Variants in PIK3CD observed in about 807,000 individuals in gnomAD.
The protein encoded by PIK3CD is phosphatidylinositol 4,5-bisphosphate 3-kinase catalytic subunit delta isoform.
A neutral mutation model predicts 122.9 loss-of-function variants in PIK3CD; 20 were observed. The observed-to-expected ratio is 0.16, with a 90% CI of 0.11 to 0.24. The LOEUF (loss-of-function observed/expected upper bound fraction) is 0.24, where lower values mean the gene tolerates loss of function less well. Ranked by LOEUF, PIK3CD falls within the 10% of genes least tolerant of loss-of-function variation. PIK3CD has a pLI of 1.00. For missense variants in PIK3CD, 787 were observed against 1,406.3 expected (o/e 0.56, Z 7.04); for synonymous variants, 596 against 593.4 (o/e 1.00, Z -0.06).
rs79709121 is a variant in PIK3CD, at chr1:9,698,607, A to G, written c.-33+7036A>G. Among the ~76,000 whole-genome samples the G allele has an allele frequency of 1.5e-3, 222 of 152,350 alleles. 1 individual carries two copies. Among genetic ancestry groups the G allele is most frequent in the African/African-American group, 5.2e-3 (215 of 41,570 alleles). On this transcript the variant is annotated intron_variant, in intron 2 of 23. Coordinates refer to ENST00000377346, the MANE Select transcript of PIK3CD (RefSeq NM_005026.5). ...TAATGCATCATTTAGCCATTTCCTT[A>G]TCACTTTCACAAACAATACCACATT...
intron 1 of PIK3CD, among the ~76,000 whole-genome samples, chr1:9,683,124 CAAA>C (rs756702134): frequency 5.7e-5 from 4 of 70,474 alleles, no homozygotes; most frequent in Non-Finnish European, 1.2e-4. Context: ...GACATTGTCT[CAAA>C]AAAAAAAAAA....
intron 2 of PIK3CD, chr1:9,691,947 T>G (rs141774626): frequency 6.0e-6 from 1 of 165,412 alleles, no homozygotes; most frequent in Non-Finnish European, 1.3e-5. Context: ...CTGGAGGAAA[T>G]GGATTGAATT....
chr1:9,687,776 G>C (rs192331971), intron 1 of PIK3CD, among the ~76,000 whole-genome samples: 48 of 152,350 alleles, frequency 3.2e-4, no homozygotes, highest in Non-Finnish European at 6.5e-4. Flanking sequence ...GCCTGTGTCT[G>C]TGTGTGCGCA....
chr1:9,699,216 G>A (rs540906660), intron 2 of PIK3CD, among the ~76,000 whole-genome samples: 5 of 152,084 alleles, frequency 3.3e-5, no homozygotes, highest in African/African-American at 7.2e-5. Flanking sequence ...TCTGCGAACC[G>A]TGCCAAAAAA....
At chr1:9,653,536 G>A (rs1024670106) in intron 1 of PIK3CD, 9 of 306,430 alleles carry the variant, frequency 2.9e-5, no homozygotes, top group Non-Finnish European at 5.7e-5. Context: ...TCTTGGGGGG[G>A]ATTTGGAGGG....
At chr1:9,726,304 C>G (rs555286006) in intron 23 of PIK3CD, among the ~76,000 whole-genome samples, 34 of 151,948 alleles carry the variant, frequency 2.2e-4, no homozygotes, top group Admixed American at 3.9e-4. Flanking sequence ...GTCAGGAGAT[C>G]GAGACCATCC....
chr1:9,711,747 C>T (rs1017722440), intron 3 of PIK3CD, among the ~76,000 whole-genome samples: 3 of 151,016 alleles, frequency 2.0e-5, no homozygotes, highest in Non-Finnish European at 4.4e-5. Flanking sequence ...ACTAATTTTT[C>T]GTGTCTGTAT....
chr1:9,637,382 A>T, the PIK3CD span, among the ~76,000 whole-genome samples: 1 of 152,184 alleles, frequency 6.6e-6, no homozygotes, highest in African/African-American at 2.4e-5. Flanking sequence ...TACAAAAATT[A>T]GCTAGGCATG....
chr1:9,686,569 G>C (rs533330628), intron 1 of PIK3CD, among the ~76,000 whole-genome samples: 1 of 151,620 alleles, frequency 6.6e-6, no homozygotes, highest in East Asian at 1.9e-4. Context: ...GCCCAGGCTG[G>C]TCTTGAACTC....
In PIK3CD at chr1:9,677,252, T is replaced by G. The variant is rs139200683; in HGVS notation, c.-137-14215T>G. On this transcript the variant is annotated intron_variant, in intron 1 of 23. Coordinates refer to ENST00000377346, the MANE Select transcript of PIK3CD (RefSeq NM_005026.5). ...GACTGCCATGAGTGTGTGTGTGTGT[T>G]TTGGGAGGGAGGTTGTTTGTTTGTG... is the stretch of plus-strand genomic sequence containing the variant. 6.6e-3 allele frequency among the ~76,000 whole-genome samples: 1,000 copies of G among 152,102 alleles called. 12 individuals carry two copies. The highest frequency in any genetic ancestry group is 0.022 in the African/African-American group (932 of 41,498).
At chr1:9,665,030 C>A (rs1402566554) in intron 1 of PIK3CD, among the ~76,000 whole-genome samples, 2 of 151,614 alleles carry the variant, frequency 1.3e-5, no homozygotes, top group South Asian at 2.1e-4. Flanking sequence ...TAAGGGAGAC[C>A]CTGTCCTACA....
In PIK3CD at chr1:9,717,967, T is replaced by G. The variant is rs1239657293; in HGVS notation, c.1020+341T>G. Reference sequence around the variant, plus strand: ...GAAGAGGGGCTGGGTCCAGCTGGGCTGGGGGCTGTGGTGCTCCCTGGAGGC... The same window carrying G: ...GAAGAGGGGCTGGGTCCAGCTGGGCGGGGGGCTGTGGTGCTCCCTGGAGGC... On this transcript the variant is annotated intron_variant, in intron 8 of 23. Transcript: ENST00000377346. The surrounding 1 kb of genome is among the most constrained non-coding windows in gnomAD (Gnocchi z 5.4). 1.3e-5 allele frequency among the ~76,000 whole-genome samples: 2 copies of G among 152,112 alleles called. No homozygotes were observed. Among genetic ancestry groups the G allele is most frequent in the Non-Finnish European group, 2.9e-5 (2 of 67,990 alleles).
At chr1:9,679,656 C>A (rs1232733350) in intron 1 of PIK3CD, among the ~76,000 whole-genome samples, 1 of 152,134 alleles carries the variant, frequency 6.6e-6, no homozygotes, top group Non-Finnish European at 1.5e-5. Context: ...TTCCTGGAGA[C>A]CACTCCTGGT....
chr1:9,718,749 C>T lies in PIK3CD; in HGVS notation c.1076C>T (p.Ser359Phe). 2.5e-6 allele frequency: 4 copies of T among 1,609,636 alleles called. No homozygotes were observed. Among genetic ancestry groups the T allele is most frequent in the East Asian group, 2.2e-5 (1 of 44,870 alleles). Residue 359 changes from serine to phenylalanine, a missense_variant, in exon 9 of 24, where the codon TCC becomes TTC. Transcript: ENST00000377346. This position sits in a 1 kb window ranked among gnomAD's most constrained non-coding sequence, Gnocchi z 7.2. The part of the protein sequence containing the change: ...HGNEMLCKTV[S>F]SSEVSVCSEP... ...AACGAGATGCTGTGCAAGACGGTGT[C>T]CAGCTCGGAGGTGAGCGTGTGCTCG... is the stretch of plus-strand genomic sequence containing the variant.
In PIK3CD at chr1:9,718,634, G is replaced by A. The variant is rs1031495287; in HGVS notation, c.1021-60G>A. 2.7e-6 allele frequency: 4 copies of A among 1,472,512 alleles called. No individual in the cohort carries two copies. In the African/African-American group the frequency reaches 5.5e-5, roughly 20 times the overall value. The allele number at this position is 1,472,512 out of a possible 1,614,324, so 91.2% of individuals were successfully genotyped here. ...TCAAGGGGGAGACTGACACCTTAAG[G>A]GGGAGGGGAGAGGGGCTGGGCCTCT... On this transcript the variant is annotated intron_variant, in intron 8 of 23. Coordinates refer to ENST00000377346, the MANE Select transcript of PIK3CD (RefSeq NM_005026.5). This position sits in a 1 kb window ranked among gnomAD's most constrained non-coding sequence, Gnocchi z 7.2.
chr1:9,699,176 C>T (rs1371758049), intron 2 of PIK3CD, among the ~76,000 whole-genome samples: 1 of 152,090 alleles, frequency 6.6e-6, no homozygotes, highest in African/African-American at 2.4e-5. Flanking sequence ...TGACACTGTA[C>T]TCCAGCCAGG....
chr1:9,642,826 C>T, the PIK3CD span, among the ~76,000 whole-genome samples: 2 of 151,996 alleles, frequency 1.3e-5, no homozygotes, highest in Non-Finnish European at 2.9e-5. Flanking sequence ...CATGGTGGCT[C>T]ATGCCTGTCA....
At chr1:9,681,179 G>A (rs1350170977) in intron 1 of PIK3CD, 3 of 152,032 alleles carry the variant, frequency 2.0e-5, no homozygotes, top group Non-Finnish European at 4.4e-5. Context: ...GAGGGGAGGG[G>A]AGGGGGTGTA....
In PIK3CD at chr1:9,718,678, C is replaced by T. The variant is rs1357272412; in HGVS notation, c.1021-16C>T. 2 of 1,600,310 alleles carry T rather than the reference C, an allele frequency of 1.2e-6. No homozygotes were observed. Among genetic ancestry groups the T allele is most frequent in the Admixed American group, 3.3e-5 (2 of 59,934 alleles). On this transcript the variant is annotated splice_polypyrimidine_tract_variant and intron_variant, in intron 8 of 23. Transcript: ENST00000377346. This position sits in a 1 kb window ranked among gnomAD's most constrained non-coding sequence, Gnocchi z 7.2. The stretch of plus-strand genomic sequence containing the variant: ...GGCCTCTGCCTCCTCACCCATCATC[C>T]CGGCACCTTCTACAGCTGGTGGTGC...
Sources: allele counts gnomAD v4.1 joint callset (sites outside exome capture counted in the v4.1 genomes callset), GRCh38; gene constraint gnomAD v4.1.1; non-coding constraint Gnocchi (gnomAD v3.1); transcripts MANE v1.5; gene names NCBI Gene and HGNC (gene_info 2026-07-23, HGNC 2026-07-21).